The following BTNL8 variants were observed in gnomAD, a reference collection of about 807,000 sequenced individuals.
BTNL8 encodes butyrophilin-like protein 8.
Under a neutral mutation model 36.1 loss-of-function variants are expected in BTNL8, and 22 were observed. The ratio of observed to expected loss-of-function variants is 0.61; its 90% CI spans 0.44 to 0.87. The LOEUF is 0.87. Among genes scored for constraint, BTNL8 ranks in the 40% least tolerant of loss-of-function variants. The pLI is 0.00. For synonymous variants in BTNL8, 203 were observed against 235.6 expected, an observed-to-expected ratio of 0.86 and a Z score of 1.27; for missense variants, 526 against 616.9, an observed-to-expected ratio of 0.85 and a Z score of 1.56.
chr5:180,911,235 A>G (rs1757375384), intron 2 of BTNL8, 104 bp from the exon 3 acceptor site: 4 of 1,515,646 alleles, frequency 2.6e-6, no homozygotes, highest in South Asian at 1.3e-5. Context: ...TTGTGTGTGT[A>G]AGAGAGAGAA....
intron 2 of BTNL8, among the ~76,000 whole-genome samples, chr5:180,910,705 C>A (rs1175177511): frequency 6.6e-6 from 1 of 152,208 alleles, no homozygotes; most frequent in Non-Finnish European, 1.5e-5. Flanking sequence ...GGCTGCCATT[C>A]CCCCATGACA....
Position 180,948,470 on chromosome 5 carries a change from G to T in BTNL8, c.808+95G>T, listed in dbSNP as rs924853328. The T allele has an allele frequency of 1.1e-5, 18 of 1,606,962 alleles. No individual in the cohort carries two copies. The South Asian group carries it at 1.6e-4, about 15-fold the overall frequency. Reference sequence around the variant, plus strand: ...AGCCTCTGGACGACCCTGGCTGCAGGCTGGACAGGAAGCACCGGCAGGTGG... The same window carrying T: ...AGCCTCTGGACGACCCTGGCTGCAGTCTGGACAGGAAGCACCGGCAGGTGG... On this transcript the variant is annotated intron_variant, in intron 5 of 7. Coordinates refer to ENST00000340184, the MANE Select transcript of BTNL8 (RefSeq NM_001040462.3).
In BTNL8 at chr5:180,911,765, A is replaced by G; in HGVS notation, c.673+151A>G. Reference sequence around the variant, plus strand: ...TTTAAAATCAATGAGATGTAAAAGTAAAGTTATAAACATTTGGTTAGGTGG... The same window carrying G: ...TTTAAAATCAATGAGATGTAAAAGTGAAGTTATAAACATTTGGTTAGGTGG... On this transcript the variant is annotated intron_variant, in intron 3 of 7. Coordinates refer to ENST00000340184, the MANE Select transcript of BTNL8 (RefSeq NM_001040462.3). 4.7e-6 allele frequency: 4 copies of G among 842,962 alleles called. No individual in the cohort carries two copies. The South Asian group carries it at 7.6e-5, about 16-fold the overall frequency. The allele number at this position is 842,962 out of a possible 1,614,324, so 52.2% of individuals were successfully genotyped here. A position where few individuals can be genotyped will look rare whatever the true frequency, so the allele number is the denominator to read the frequency against.
intron 1 of BTNL8, among the ~76,000 whole-genome samples, chr5:180,907,286 C>G (rs577601428): frequency 8.1e-6 from 1 of 123,400 alleles, no homozygotes; most frequent in Non-Finnish European, 1.6e-5. Context: ...TCTTCCATCG[C>G]TGATACCCTT....
intron 3 of BTNL8, among the ~76,000 whole-genome samples, chr5:180,920,796 C>T (rs1757829543): frequency 6.6e-6 from 1 of 151,844 alleles, no homozygotes; most frequent in Non-Finnish European, 1.5e-5. Context: ...AAACATTTTC[C>T]CCAAAAGACA....
At chr5:180,947,883 C>T (rs1759353259) in intron 4 of BTNL8, 2 of 1,325,786 alleles carry the variant, frequency 1.5e-6, no homozygotes, top group African/African-American at 2.9e-5. Flanking sequence ...ATAGAGAGAG[C>T]TTGGATAATT....
chr5:180,908,835 G>A lies in BTNL8; in HGVS notation c.299G>A (p.Arg100Lys). 1 of 1,614,168 alleles carries A rather than the reference G, an allele frequency of 6.2e-7. No individual in the cohort carries two copies. Among genetic ancestry groups the A allele is most frequent in the South Asian group, 1.1e-5 (1 of 91,078 alleles). The part of the protein sequence containing the change: ...DSIAEGRISL[R>K]LENITVLDAG... ...ATTGCGGAGGGGCGCATCTCTCTGA[G>A]GCTGGAAAACATTACTGTGTTGGAT... is the stretch of plus-strand genomic sequence containing the variant. Residue 100 changes from arginine to lysine, a missense_variant, in exon 2 of 8, where the codon AGG becomes AAG. Around this residue, in one of 2 missense-constraint regions of BTNL8, gnomAD observed 350 missense variants for 324.6 expected, o/e 1.08. Transcript: ENST00000340184.
chr5:180,943,130 CTT>C (rs35271643), intron 3 of BTNL8, among the ~76,000 whole-genome samples: 3 of 100,652 alleles, frequency 3.0e-5, no homozygotes, highest in African/African-American at 1.2e-4. Context: ...GGAAGATAGA[CTT>C]TTTTTTTTTT....
chr5:180,942,277 G>T (rs996635267), intron 3 of BTNL8, among the ~76,000 whole-genome samples: 2 of 152,214 alleles, frequency 1.3e-5, no homozygotes, highest in East Asian at 3.9e-4. Flanking sequence ...AAACATTGAT[G>T]AAAAGAACTG....
At position 180,908,617 on chromosome 5, in the gene BTNL8, T is replaced by C. The variant is rs1757229668; in HGVS notation, c.81T>C (p.Pro27=). The C allele has an allele frequency of 6.2e-7, 1 of 1,614,224 alleles. No individual in the cohort carries two copies. ...GGCAGGTGTTTGGGCCAGACAAGCC[T>C]GTCCAGGCCTTGGTGGGGGAGGACG... ...GQWQVFGPDK[P]VQALVGEDAA... is the part of the protein sequence containing the mutation. Residue 27 remains proline (P), a synonymous_variant, in exon 2 of 8, where the codon CCT becomes CCC. Transcript: ENST00000340184.
chr5:180,949,696 C>T, intron 7 of BTNL8: 1 of 633,560 alleles, frequency 1.6e-6, no homozygotes, highest in Non-Finnish European at 2.6e-6. Context: ...ATTGGGACGT[C>T]ATATTGAGAC....
rs1290089007 is a variant in BTNL8, at chr5:180,899,172, T to C, written c.-139T>C. Reference sequence around the variant, plus strand: ...GAGTAGACTCTCAGAACAGCGCAGTTTGCCCTCCGCTCACGCAGAGCCTCT... The same window carrying C: ...GAGTAGACTCTCAGAACAGCGCAGTCTGCCCTCCGCTCACGCAGAGCCTCT... On this transcript the variant is annotated 5_prime_UTR_variant, in exon 1 of 8. Coordinates refer to ENST00000340184, the MANE Select transcript of BTNL8 (RefSeq NM_001040462.3). 1 of 918,254 alleles carries C rather than the reference T, an allele frequency of 1.1e-6. No homozygotes were observed. The highest frequency in any genetic ancestry group is 1.7e-6 in the Non-Finnish European group (1 of 574,098). 56.9% of individuals were successfully genotyped at this position (918,254 alleles called of 1,614,324 possible).
rs753356741 is a variant in BTNL8 at position 180,908,889 on chromosome 5, C to T, written c.353C>T (p.Ser118Phe). Residue 118 changes from serine (S) to phenylalanine (F), a missense_variant, in exon 2 of 8, where the codon TCC becomes TTC. Transcript: ENST00000340184. ...DAGLYGCRIS[S>F]QSYYQKAIWE... The stretch of plus-strand genomic sequence containing the variant: ...GGCCTCTATGGGTGCAGGATTAGTT[C>T]CCAGTCTTACTACCAGAAGGCCATC... 5.0e-6 allele frequency: 8 copies of T among 1,613,934 alleles called. No homozygotes were observed. In the East Asian group the frequency reaches 8.9e-5, roughly 18 times the overall value.
At chr5:180,899,939 G>C (rs1387037303) in intron 1 of BTNL8, among the ~76,000 whole-genome samples, 1 of 152,174 alleles carries the variant, frequency 6.6e-6, no homozygotes, top group African/African-American at 2.4e-5. Flanking sequence ...GAAGCTTGAG[G>C]TTGGGGTAGA....
At chr5:180,909,184 A>C (rs950179322) in intron 2 of BTNL8, among the ~76,000 whole-genome samples, 1 of 152,060 alleles carries the variant, frequency 6.6e-6, no homozygotes, top group Non-Finnish European at 1.5e-5. Flanking sequence ...TCACCCCTTC[A>C]TGGTCACACC....
intron 3 of BTNL8, among the ~76,000 whole-genome samples, chr5:180,928,607 G>C (rs1473601218): frequency 6.6e-6 from 1 of 152,030 alleles, no homozygotes; most frequent in Non-Finnish European, 1.5e-5. Context: ...TCAAAATAAA[G>C]AGATGGAGGA....
chr5:180,900,988 G>A (rs1027968560), intron 1 of BTNL8, among the ~76,000 whole-genome samples: 5 of 152,200 alleles, frequency 3.3e-5, no homozygotes, highest in African/African-American at 1.2e-4. Context: ...GAGAGGCAGA[G>A]GCCAGGCTCC....
chr5:180,928,197 T>C (rs948642466), intron 3 of BTNL8, among the ~76,000 whole-genome samples: 1 of 152,114 alleles, frequency 6.6e-6, no homozygotes, highest in African/African-American at 2.4e-5. Flanking sequence ...CTTAAAGAAA[T>C]GGATTTTCAA....
intron 1 of BTNL8, among the ~76,000 whole-genome samples, chr5:180,905,738 G>C (rs1374816207): frequency 7.1e-6 from 1 of 141,684 alleles, no homozygotes. Context: ...CTTTGTTCTC[G>C]TTGGTTTCAA....
Sources: allele counts gnomAD v4.1 joint callset (sites outside exome capture counted in the v4.1 genomes callset), GRCh38; gene constraint gnomAD v4.1.1; regional missense constraint gnomAD v4.1.1; transcripts MANE v1.5; gene names NCBI Gene and HGNC (gene_info 2026-07-23, HGNC 2026-07-21).